The following FLNB variants were observed in gnomAD, a reference collection of about 807,000 sequenced individuals.
FLNB encodes the protein filamin B.
FLNB carries 111 observed loss-of-function variants against 250.6 expected under a neutral mutation model. The ratio of observed to expected loss-of-function variants is 0.44; its 90% confidence interval spans 0.38 to 0.52. The LOEUF is 0.52. FLNB is among the 20% of genes least tolerant of loss of function. FLNB has a pLI of 0.00. For synonymous variants in FLNB, 1,302 were observed against 1,372.1 expected (o/e 0.95, Z 1.13); for missense variants, 2,869 against 3,447.8 (o/e 0.83, Z 4.20).
Position 58,081,721 on chromosome 3 carries a change from G to A in FLNB, c.732G>A (p.Pro244=), listed in dbSNP as rs767031309. Residue 244 remains proline, a synonymous_variant, in exon 4 of 46, where the codon CCG becomes CCA. Transcript: ENST00000295956. The stretch of plus-strand genomic sequence containing the variant: ...AGTTCCCCAAAGCCAAGCTCAAGCC[G>A]GGGGCTCCTCTCAAACCCAAACTCA... The part of the protein sequence containing the change: ...LSQFPKAKLK[P]GAPLKPKLNP... 8.7e-6 allele frequency: 14 copies of A among 1,613,844 alleles called. No individual in the cohort carries two copies. In the East Asian group the frequency reaches 1.8e-4, roughly 21 times the overall value.
chr3:58,131,029 T>A (rs2097306512), intron 25 of FLNB, 121 bp downstream of exon 25: 2 of 959,252 alleles, frequency 2.1e-6, no homozygotes, highest in East Asian at 2.7e-5. Flanking sequence ...TTAAAAAAAA[T>A]TATTGTTTCA....
intron 42 of FLNB, among the ~76,000 whole-genome samples, chr3:58,161,359 T>G (rs1254487291): frequency 6.6e-6 from 1 of 152,178 alleles, no homozygotes; most frequent in Non-Finnish European, 1.5e-5. Flanking sequence ...AAGGGTTTAA[T>G]ATTTTACTTT....
chr3:58,098,037 A>G, intron 7 of FLNB, 60 bp downstream of exon 7: 1 of 1,560,850 alleles, frequency 6.4e-7, no homozygotes, highest in Non-Finnish European at 8.8e-7. Context: ...GCTGAAATAT[A>G]ATCCTCGGGG....
chr3:58,094,724 G>A (rs1198879006), intron 4 of FLNB, 112 bp from the exon 5 acceptor site: 1 of 886,706 alleles, frequency 1.1e-6, no homozygotes, highest in African/African-American at 1.6e-5. Context: ...TTCCCACATG[G>A]GATCTGCAGG....
chr3:58,154,969 G>T, intron 40 of FLNB, 41 bp downstream of exon 40: 1 of 1,602,602 alleles, frequency 6.2e-7, no homozygotes, highest in South Asian at 1.1e-5. Flanking sequence ...TTCCTTGTTT[G>T]AACATGATTA....
chr3:58,142,650 G>A lies in FLNB; in HGVS notation c.5182G>A (p.Val1728Met). Reference protein sequence around the residue: ...NACPPGFRPWVTEEAYVPVSD... With the variant: ...NACPPGFRPWMTEEAYVPVSD... ...AGTGACCACTGCCTTCTGTTTTTAG[G>A]TGACCGAAGAGGCCTATGTCCCAGT... Residue 1728 changes from valine to methionine, a missense_variant and splice_region_variant, in exon 31 of 46, where the codon GTG becomes ATG. Val to Met is a conservative substitution (Grantham distance 21, BLOSUM62 1). Around this residue, in one of 5 missense-constraint regions of FLNB, gnomAD observed 1,084 missense variants for 1,315.5 expected, o/e 0.82. Coordinates refer to ENST00000295956, the MANE Select transcript of FLNB (RefSeq NM_001457.4). This position sits in a 1 kb window ranked among gnomAD's most constrained non-coding sequence, Gnocchi z 4.3. The A allele has an allele frequency of 1.2e-6, 2 of 1,613,604 alleles. No individual in the cohort carries two copies. The highest frequency in any genetic ancestry group is 2.7e-5 in the African/African-American group (2 of 75,054).
chr3:58,102,197 T>C lies in FLNB; in HGVS notation c.1346-6T>C, dbSNP rs767501254. On this transcript the variant is annotated splice_region_variant and splice_polypyrimidine_tract_variant and intron_variant, in intron 8 of 45. Transcript: ENST00000295956. ...GATTGAATTGATGTCAAAACTGTGC[T>C]TGCAGCCTGCAATCCAAATGCCTGC... 6.2e-7 allele frequency: 1 copy of C among 1,614,206 alleles called. No individual in the cohort carries two copies. Among genetic ancestry groups the C allele is most frequent in the South Asian group, 1.1e-5 (1 of 91,086 alleles).
chr3:58,111,481 G>T (rs117626092), intron 16 of FLNB, among the ~76,000 whole-genome samples: 1 of 152,016 alleles, frequency 6.6e-6, no homozygotes, highest in Non-Finnish European at 1.5e-5. Flanking sequence ...TATTATTGTC[G>T]TTTTTGGTTT....
At chr3:58,081,548 G>T in intron 3 of FLNB, 81 bp from the exon 4 acceptor site, 1 of 1,295,104 alleles carries the variant, frequency 7.7e-7, no homozygotes, top group South Asian at 1.2e-5. Flanking sequence ...TGTAGTGCTT[G>T]GTTTAAGAGG....
In FLNB at chr3:58,126,762, G is replaced by A. The variant is rs186956439; in HGVS notation, c.4222G>A (p.Gly1408Ser). Residue 1408 changes from glycine (G) to serine (S), a missense_variant and splice_region_variant, in exon 24 of 46, where the codon GGC becomes AGC. Transcript: ENST00000295956. The stretch of plus-strand genomic sequence containing the variant: ...CACATATGGAGGAGCCCACATCCCC[G>A]GTGAGCTATTCCTCAGAGAGGACCC... ...NITYGGAHIP[G>S]SPFRVPVKDV... The A allele has an allele frequency of 3.3e-5, 54 of 1,613,178 alleles. No homozygotes were observed. Among genetic ancestry groups the A allele is most frequent in the Admixed American group, 1.0e-4 (6 of 60,016 alleles).
intron 1 of FLNB, among the ~76,000 whole-genome samples, chr3:58,054,562 G>A (rs1576641203): frequency 6.6e-6 from 1 of 152,154 alleles, no homozygotes; most frequent in African/African-American, 2.4e-5. Flanking sequence ...TTCTTCACAT[G>A]GAGGCCGCAG....
intron 24 of FLNB, 138 bp downstream of exon 24, chr3:58,126,900 A>G (rs1009908797): frequency 1.3e-6 from 1 of 791,764 alleles, no homozygotes; most frequent in Admixed American, 2.1e-5. Context: ...TCTTAGGGCT[A>G]CATCTCCAAG....
rs534085461 is a variant in FLNB at position 58,154,300 on chromosome 3, T to C, written c.6635-491T>C. 9.5e-4 allele frequency among the ~76,000 whole-genome samples: 144 copies of C among 152,118 alleles called. 2 individuals carry two copies. The highest frequency in any genetic ancestry group is 8.1e-4 in the Non-Finnish European group (55 of 68,008). On this transcript the variant is annotated intron_variant, in intron 39 of 45. Transcript: ENST00000295956. ...GCTCACACCTGTAACTCTAGCACTT[T>C]GCAAGGCCGAGGCAGGCAGACTGCC...
intron 1 of FLNB, among the ~76,000 whole-genome samples, chr3:58,013,066 C>T (rs1363452138): frequency 6.6e-6 from 1 of 152,226 alleles, no homozygotes; most frequent in African/African-American, 2.4e-5. Flanking sequence ...ATAGTGAGGA[C>T]TCAGTGTCTT....
intron 1 of FLNB, among the ~76,000 whole-genome samples, chr3:58,013,000 G>C (rs905019100): frequency 6.6e-6 from 1 of 152,200 alleles, no homozygotes; most frequent in African/African-American, 2.4e-5. Context: ...AGGCCCCTAG[G>C]CGCCATCCAA....
chr3:58,109,463 G>A (rs2097264885), intron 14 of FLNB, 113 bp from the exon 15 acceptor site: 1 of 1,600,704 alleles, frequency 6.2e-7, no homozygotes, highest in African/African-American at 1.3e-5. Context: ...GGGGCCCGAA[G>A]GGCAGAGTGC....
intron 1 of FLNB, among the ~76,000 whole-genome samples, chr3:58,049,131 A>AAG (rs764495843): frequency 1.3e-5 from 2 of 152,388 alleles, no homozygotes; most frequent in Non-Finnish European, 2.9e-5. Context: ...CAGCTCTCAC[A>AAG]AGTTACAAGT....
chr3:58,067,557 C>A (rs1208564700), intron 1 of FLNB, among the ~76,000 whole-genome samples: 2 of 151,764 alleles, frequency 1.3e-5, no homozygotes, highest in African/African-American at 4.8e-5. Flanking sequence ...ATAGTTTAAC[C>A]ACTGTAACAA....
At chr3:58,048,711 C>T (rs1030905107) in intron 1 of FLNB, among the ~76,000 whole-genome samples, 1 of 152,182 alleles carries the variant, frequency 6.6e-6, no homozygotes, top group Non-Finnish European at 1.5e-5. Context: ...TCCTGTTCCC[C>T]AGCAGTTTTC....
Sources: allele counts gnomAD v4.1 joint callset (sites outside exome capture counted in the v4.1 genomes callset), GRCh38; gene constraint gnomAD v4.1.1; regional missense constraint gnomAD v4.1.1; non-coding constraint Gnocchi (gnomAD v3.1); transcripts MANE v1.5; gene names NCBI Gene and HGNC (gene_info 2026-07-23, HGNC 2026-07-21).